Variants in SLC30A4 observed in about 807,000 individuals in gnomAD.
SLC30A4 encodes the protein probable proton-coupled zinc antiporter SLC30A4.
Under a neutral mutation model 41.7 loss-of-function variants are expected in SLC30A4, and 20 were observed. The observed-to-expected ratio is 0.48, with a 90% CI of 0.34 to 0.70. SLC30A4 has a LOEUF of 0.70. Ranked by LOEUF, SLC30A4 falls within the 30% of genes least tolerant of loss-of-function variation. The pLI is 0.01. For synonymous variants in SLC30A4, 181 were observed against 195.9 expected, an observed-to-expected ratio of 0.92 and a Z score of 0.64; for missense variants, 441 against 529.3, an observed-to-expected ratio of 0.83 and a Z score of 1.64.
At chr15:45,513,859 G>A (rs1892375995) in intron 2 of SLC30A4, 1 of 152,168 alleles carries the variant, frequency 6.6e-6, no homozygotes, top group Non-Finnish European at 1.5e-5. Context: ...GACGTGCAAG[G>A]ATGTTTTTAT....
intron 4 of SLC30A4, 60 bp from the exon 5 acceptor site, chr15:45,489,102 C>A: frequency 1.7e-6 from 2 of 1,189,262 alleles, no homozygotes; most frequent in South Asian, 1.4e-5. Context: ...ACATTTGTCA[C>A]TAGTCAGACA....
chr15:45,515,807 G>T (rs1385774017), intron 2 of SLC30A4: 1 of 148,928 alleles, frequency 6.7e-6, no homozygotes, highest in African/African-American at 2.5e-5. Flanking sequence ...GAGAGCAATT[G>T]CACAAACACT....
chr15:45,498,921 A>T (rs1188935303), intron 3 of SLC30A4, among the ~76,000 whole-genome samples: 2 of 152,126 alleles, frequency 1.3e-5, no homozygotes, highest in Non-Finnish European at 2.9e-5. Context: ...AAGAGGGGAT[A>T]AAAAAATCCC....
chr15:45,487,823 G>C (rs1180891696), intron 5 of SLC30A4, among the ~76,000 whole-genome samples, 191 bp from the exon 6 acceptor site: 2 of 151,960 alleles, frequency 1.3e-5, no homozygotes, highest in Non-Finnish European at 2.9e-5. Flanking sequence ...TTGCCTCATG[G>C]GACCTATTTC....
chr15:45,490,654 T>C (rs1012074514), intron 4 of SLC30A4, 74 bp downstream of exon 4: 2 of 900,416 alleles, frequency 2.2e-6, no homozygotes, highest in Non-Finnish European at 3.4e-6. Flanking sequence ...TCACTGAATA[T>C]TACTGAATGC....
intron 5 of SLC30A4, 98 bp downstream of exon 5, chr15:45,488,743 C>G: frequency 1.2e-6 from 1 of 863,600 alleles, no homozygotes; most frequent in Non-Finnish European, 1.9e-6. Context: ...ATGAATAGAA[C>G]TGGCACTGGT....
chr15:45,504,880 G>C (rs1892115352), intron 3 of SLC30A4, among the ~76,000 whole-genome samples: 1 of 152,152 alleles, frequency 6.6e-6, no homozygotes, highest in Admixed American at 6.6e-5. Context: ...CTCAGGGTCT[G>C]TTCTCTTGAC....
rs1380069312 is a variant in SLC30A4 at position 45,491,266 on chromosome 15, C to T, written c.539-385G>A. On this transcript the variant is annotated intron_variant, in intron 3 of 7. Coordinates refer to ENST00000261867, the MANE Select transcript of SLC30A4 (RefSeq NM_013309.6). ...AGCAGCTTGACTGATATGGATCCTCCACTAATTTACCCTTACCTCTCCCTA... is the reference window on the plus strand; with the variant it reads ...AGCAGCTTGACTGATATGGATCCTCTACTAATTTACCCTTACCTCTCCCTA... Among the ~76,000 whole-genome samples the T allele has an allele frequency of 2.6e-5, 4 of 152,166 alleles. 1 individual carries two copies. The highest frequency in any genetic ancestry group is 9.6e-5 in the African/African-American group (4 of 41,452).
intron 2 of SLC30A4, chr15:45,520,889 A>G (rs7173046): frequency 0.04 from 15,056 of 373,216 alleles, 2,047 homozygotes; most frequent in African/African-American, 0.29. Context: ...AGGTCAAAAA[A>G]TGTTTGAAAG....
intron 2 of SLC30A4, among the ~76,000 whole-genome samples, chr15:45,517,223 G>A (rs1013156130): frequency 6.6e-6 from 1 of 151,096 alleles, no homozygotes; most frequent in South Asian, 2.1e-4. Flanking sequence ...TAGAGACTTG[G>A]GCTCTCTAGG....
intron 3 of SLC30A4, among the ~76,000 whole-genome samples, chr15:45,505,955 G>A (rs1207974889): frequency 6.6e-6 from 1 of 152,146 alleles, no homozygotes; most frequent in African/African-American, 2.4e-5. Context: ...CGAGGCGGGT[G>A]GATCACTTGA....
chr15:45,501,225 G>C (rs933269934), intron 3 of SLC30A4, among the ~76,000 whole-genome samples: 2 of 151,706 alleles, frequency 1.3e-5, no homozygotes, highest in Non-Finnish European at 2.9e-5. Context: ...GGAGAATGGC[G>C]TGAACCTGGG....
chr15:45,485,324 T>A lies in SLC30A4; in HGVS notation c.1136-7A>T, dbSNP rs1344449566. 1 of 1,597,464 alleles carries A rather than the reference T, an allele frequency of 6.3e-7. No homozygotes were observed. The highest frequency in any genetic ancestry group is 8.6e-7 in the Non-Finnish European group (1 of 1,169,544). On this transcript the variant is annotated splice_region_variant and splice_polypyrimidine_tract_variant and intron_variant, in intron 7 of 7. Coordinates refer to ENST00000261867, the MANE Select transcript of SLC30A4 (RefSeq NM_013309.6). Reference sequence around the variant, plus strand: ...TTAGATGAACTTCCAGGAACTGCAATGTCAAGAAAATATCATTACTATCCA... The same window carrying A: ...TTAGATGAACTTCCAGGAACTGCAAAGTCAAGAAAATATCATTACTATCCA...
intron 3 of SLC30A4, among the ~76,000 whole-genome samples, chr15:45,503,662 G>A (rs1595527145): frequency 1.3e-5 from 2 of 151,470 alleles, no homozygotes; most frequent in Non-Finnish European, 2.9e-5. Flanking sequence ...CAAACAGGCT[G>A]TGCATGGTGG....
At chr15:45,499,228 T>C (rs753870074) in intron 3 of SLC30A4, among the ~76,000 whole-genome samples, 13 of 151,914 alleles carry the variant, frequency 8.6e-5, no homozygotes, top group South Asian at 2.1e-4. Flanking sequence ...CCCACCACCA[T>C]GCTTGGCTAA....
chr15:45,518,275 T>C (rs1892554408), intron 2 of SLC30A4, among the ~76,000 whole-genome samples: 1 of 152,212 alleles, frequency 6.6e-6, no homozygotes, highest in Non-Finnish European at 1.5e-5. Flanking sequence ...TTACTATGTC[T>C]TATAGTACCT....
Position 45,486,655 on chromosome 15 carries a change from G to C in SLC30A4, c.1091C>G (p.Ser364Cys). ...VYSVEDLNIW[S>C]LTSGKSTAIV... The stretch of plus-strand genomic sequence containing the variant: ...GGCAGTAGATTTTCCTGAAGTGAGA[G>C]ACCAGATATTTAAATCTTCGACTGA... The change falls in exon 7 of 8, where the codon TCT becomes TGT. Residue 364 changes from serine to cysteine, a missense_variant. Transcript: ENST00000261867. The C allele has an allele frequency of 6.2e-7, 1 of 1,605,418 alleles. No homozygotes were observed. Among genetic ancestry groups the C allele is most frequent in the Non-Finnish European group, 8.5e-7 (1 of 1,176,434 alleles).
At chr15:45,501,324 G>C (rs1361975127) in intron 3 of SLC30A4, among the ~76,000 whole-genome samples, 1 of 151,818 alleles carries the variant, frequency 6.6e-6, no homozygotes, top group Non-Finnish European at 1.5e-5. Flanking sequence ...AAAAATTATG[G>C]AAAAATGTTT....
Position 45,521,726 on chromosome 15 carries a change from C to CAAAA in SLC30A4, c.391+237_391+238insTTTT, listed in dbSNP as rs1358506312. On this transcript the variant is annotated intron_variant, in intron 2 of 7. Coordinates refer to ENST00000261867, the MANE Select transcript of SLC30A4 (RefSeq NM_013309.6). ...AATGAAGATAACGTCCTTAACTTTA[C>CAAAA]GGTAGATGACAGTGGTTGAACAACT... 5 of 471,776 alleles carry CAAAA rather than the reference C, an allele frequency of 1.1e-5. No individual in the cohort carries two copies. In the Admixed American group the frequency reaches 1.5e-4, roughly 14 times the overall value. The allele number at this position is 471,776 out of a possible 1,614,324, so 29.2% of individuals were successfully genotyped here. A position where few individuals can be genotyped will look rare whatever the true frequency, so the allele number is the denominator to read the frequency against.
Sources: gnomAD v4.1 joint callset for allele counts (sites outside exome capture counted in the v4.1 genomes callset) on GRCh38, gnomAD v4.1.1 for gene constraint, MANE v1.5 for transcripts, NCBI Gene and HGNC (gene_info 2026-07-23, HGNC 2026-07-21) for gene names.